The following MGAM2 variants were observed in gnomAD, a reference collection of about 807,000 sequenced individuals.
MGAM2 encodes maltase-glucoamylase 2 (putative).
A neutral mutation model predicts 96.1 loss-of-function variants in MGAM2; 98 were observed. That is an observed-to-expected ratio of 1.02 (90% confidence interval 0.87 to 1.21). The LOEUF (loss-of-function observed/expected upper bound fraction) is 1.21, where lower values mean the gene tolerates loss of function less well. MGAM2 is among the 50% of genes most tolerant of loss of function. The pLI is 0.00. For missense variants in MGAM2, 2,055 were observed against 1,182.4 expected (o/e 1.74, Z -10.82); for synonymous variants, 749 against 414.8 (o/e 1.81, Z -9.79).
Position 142,187,800 on chromosome 7 carries a change from C to A in MGAM2, c.4173C>A (p.Ser1391Arg), listed in dbSNP as rs1796745954. 1.4e-6 allele frequency: 1 copy of A among 702,766 alleles called. No individual in the cohort carries two copies. Among genetic ancestry groups the A allele is most frequent in the African/African-American group, 1.7e-5 (1 of 57,370 alleles). 43.5% of individuals were successfully genotyped at this position (702,766 alleles called of 1,614,324 possible). ...TGGATGGATCTGTCAGGGGCTGCAGCAATGAAATGCTAAATAACCCACCCT... is the reference window on the plus strand; with the variant it reads ...TGGATGGATCTGTCAGGGGCTGCAGAAATGAAATGCTAAATAACCCACCCT... ...NFVDGSVRGC[S>R]NEMLNNPPYM... Residue 1391 changes from serine (S) to arginine (R), a missense_variant, in exon 36 of 48, where the codon AGC becomes AGA. Transcript: ENST00000477922.
At chr7:142,218,015 C>T (rs879934308) in intron 46 of MGAM2, among the ~76,000 whole-genome samples, 18 of 152,052 alleles carry the variant, frequency 1.2e-4, no homozygotes, top group East Asian at 3.9e-4. Context: ...ACCCAGGAGG[C>T]GGAGGTTGCA....
At chr7:142,189,927 T>C (rs1796817825) in intron 37 of MGAM2, among the ~76,000 whole-genome samples, 1 of 152,216 alleles carries the variant, frequency 6.6e-6, no homozygotes, top group Non-Finnish European at 1.5e-5. Flanking sequence ...TGCTCTTTTG[T>C]ATATGGGTAC....
intron 37 of MGAM2, among the ~76,000 whole-genome samples, chr7:142,192,194 C>G: frequency 6.6e-6 from 1 of 152,224 alleles, no homozygotes; most frequent in East Asian, 1.9e-4. Context: ...GTTCCACAAT[C>G]AGGGGCAACA....
chr7:142,203,277 T>C (rs1188020980), intron 45 of MGAM2, among the ~76,000 whole-genome samples: 1 of 152,198 alleles, frequency 6.6e-6, no homozygotes, highest in Non-Finnish European at 1.5e-5. Flanking sequence ...CTCTGTAGTT[T>C]AATTAAGTCC....
intron 1 of MGAM2, 29 bp from the exon 2 acceptor site, chr7:142,116,845 T>C: frequency 1.4e-6 from 1 of 703,468 alleles, no homozygotes; most frequent in South Asian, 1.5e-5. Context: ...TTGTGATTTG[T>C]TTTAACCCAA....
At chr7:142,179,738 T>C (rs1177648657) in intron 32 of MGAM2, among the ~76,000 whole-genome samples, 1 of 152,170 alleles carries the variant, frequency 6.6e-6, no homozygotes, top group African/African-American at 2.4e-5. Context: ...AGTTAACTTT[T>C]TGATGTGCTC....
In MGAM2 at chr7:142,198,625, G is replaced by C. The variant is rs1268374625; in HGVS notation, c.4934G>C (p.Ser1645Thr). ...TATTCTCCTTTCTAGGGAACTAGCAGCACATCAACAGGTCAGAGGAAAATC... is the reference window on the plus strand; with the variant it reads ...TATTCTCCTTTCTAGGGAACTAGCACCACATCAACAGGTCAGAGGAAAATC... ...RWYDYSTGTS[S>T]TSTGQRKILK... Residue 1645 changes from serine (S) to threonine (T), a missense_variant, in exon 44 of 48, where the codon AGC becomes ACC. Physicochemically the swap from Ser to Thr is moderately conservative, Grantham distance 58. Coordinates refer to ENST00000477922, the MANE Select transcript of MGAM2 (RefSeq NM_001293626.2). 1.4e-6 allele frequency: 1 copy of C among 702,922 alleles called. No individual in the cohort carries two copies. Among genetic ancestry groups the C allele is most frequent in the South Asian group, 1.5e-5 (1 of 67,570 alleles). 43.5% of individuals were successfully genotyped at this position (702,922 alleles called of 1,614,324 possible).
intron 37 of MGAM2, among the ~76,000 whole-genome samples, chr7:142,190,495 A>C (rs931835653): frequency 6.6e-6 from 1 of 151,852 alleles, no homozygotes; most frequent in Admixed American, 6.6e-5. Flanking sequence ...GCTGGTCTCG[A>C]GCTCCTGACC....
chr7:142,116,199 C>T (rs1381662259), intron 1 of MGAM2, among the ~76,000 whole-genome samples: 1 of 152,130 alleles, frequency 6.6e-6, no homozygotes, highest in Non-Finnish European at 1.5e-5. Context: ...AATTCAACCC[C>T]TTTGATTCCC....
intron 46 of MGAM2, among the ~76,000 whole-genome samples, chr7:142,210,359 C>T (rs1273196510): frequency 6.6e-6 from 1 of 152,038 alleles, no homozygotes; most frequent in Non-Finnish European, 1.5e-5. Context: ...ACCATTCACT[C>T]CCCTGGAAAG....
chr7:142,162,760 T>C (rs1585176609), intron 23 of MGAM2, among the ~76,000 whole-genome samples: 2 of 151,854 alleles, frequency 1.3e-5, no homozygotes, highest in African/African-American at 2.4e-5. Context: ...CCCCATGCAA[T>C]TGTAAGAACT....
intron 32 of MGAM2, among the ~76,000 whole-genome samples, chr7:142,179,668 C>A (rs1325960074): frequency 6.6e-6 from 1 of 151,994 alleles, no homozygotes; most frequent in African/African-American, 2.4e-5. Context: ...TATTGATTTG[C>A]CTATGTTGAG....
At position 142,196,005 on chromosome 7, in the gene MGAM2, T is replaced by C. The variant is rs1043874418; in HGVS notation, c.4347-149T>C. The C allele has an allele frequency of 8.6e-5, 54 of 629,480 alleles. No individual in the cohort carries two copies. The Admixed American group carries it at 1.2e-3, about 14-fold the overall frequency. 39.0% of individuals were successfully genotyped at this position (629,480 alleles called of 1,614,324 possible). Reference sequence around the variant, plus strand: ...TTGCTGTGAAGTTTGTTGGGATCTTTAGCATGGCTTTGAGACAGCAGATTC... The same window carrying C: ...TTGCTGTGAAGTTTGTTGGGATCTTCAGCATGGCTTTGAGACAGCAGATTC... On this transcript the variant is annotated intron_variant, in intron 37 of 47. Coordinates refer to ENST00000477922, the MANE Select transcript of MGAM2 (RefSeq NM_001293626.2).
At chr7:142,149,499 GAC>G (rs956383168) in intron 15 of MGAM2, among the ~76,000 whole-genome samples, 2 of 151,882 alleles carry the variant, frequency 1.3e-5, no homozygotes, top group Non-Finnish European at 2.9e-5. Flanking sequence ...CTAATTTTTA[GAC>G]ACAAATATCC....
chr7:142,203,396 C>T (rs1259517337), intron 45 of MGAM2, among the ~76,000 whole-genome samples: 1 of 152,086 alleles, frequency 6.6e-6, no homozygotes, highest in Non-Finnish European at 1.5e-5. Context: ...TGGAAAAAAA[C>T]ATTCCATGCT....
intron 3 of MGAM2, among the ~76,000 whole-genome samples, chr7:142,123,712 G>A (rs893399623): frequency 1.3e-5 from 2 of 151,844 alleles, no homozygotes; most frequent in African/African-American, 2.4e-5. Flanking sequence ...TTAGTCTATG[G>A]TTTGTCTTTT....
At chr7:142,215,464 A>C (rs1243554713) in intron 46 of MGAM2, among the ~76,000 whole-genome samples, 2 of 152,122 alleles carry the variant, frequency 1.3e-5, no homozygotes, top group Non-Finnish European at 2.9e-5. Flanking sequence ...TAATTAAAAA[A>C]AAAAAAAAAC....
chr7:142,171,028 C>T, intron 27 of MGAM2: 1 of 534,794 alleles, frequency 1.9e-6, no homozygotes, highest in Non-Finnish European at 3.4e-6. Context: ...AGTTATGGCC[C>T]TTGCCCACAA....
At chr7:142,168,773 G>A (rs1019537831) in intron 26 of MGAM2, among the ~76,000 whole-genome samples, 28 of 151,906 alleles carry the variant, frequency 1.8e-4, no homozygotes, top group African/African-American at 5.3e-4. Flanking sequence ...TAACCAATGC[G>A]CTAAAATATT....
Sources: gnomAD v4.1 joint callset for allele counts (sites outside exome capture counted in the v4.1 genomes callset) on GRCh38, gnomAD v4.1.1 for gene constraint, MANE v1.5 for transcripts, NCBI Gene and HGNC (gene_info 2026-07-23, HGNC 2026-07-21) for gene names.